Variants in ENAH observed in about 807,000 individuals in gnomAD.
The protein encoded by ENAH is protein enabled homolog.
In ENAH, 23 loss-of-function variants were observed where a neutral mutation model predicts 78.7. The ratio of observed to expected loss-of-function variants is 0.29; its 90% CI spans 0.21 to 0.41. The LOEUF is 0.41. Among genes scored for constraint, ENAH ranks in the 10% least tolerant of loss-of-function variants. The probability of loss-of-function intolerance (pLI) is 1.00; values close to 1 mark genes in which losing one functional copy is unlikely to be tolerated. For synonymous variants in ENAH, 226 were observed against 241.0 expected (o/e 0.94, Z 0.58); for missense variants, 544 against 691.0 (o/e 0.79, Z 2.39).
intron 2 of ENAH, among the ~76,000 whole-genome samples, chr1:225,560,607 T>C (rs947735261): frequency 6.6e-6 from 1 of 152,184 alleles, no homozygotes; most frequent in African/African-American, 2.4e-5. Flanking sequence ...TTATCCTGCC[T>C]CAGCCTCCCA....
intron 3 of ENAH, among the ~76,000 whole-genome samples, chr1:225,550,090 A>G (rs546318728): frequency 6.6e-6 from 1 of 152,208 alleles, no homozygotes; most frequent in East Asian, 1.9e-4. Context: ...CCCCCACCAC[A>G]TAAATTCTCA....
At chr1:225,521,502 G>A (rs531968120) in intron 4 of ENAH, among the ~76,000 whole-genome samples, 5 of 151,778 alleles carry the variant, frequency 3.3e-5, no homozygotes, top group Non-Finnish European at 5.9e-5. Flanking sequence ...TTAGCTGGGC[G>A]TGGTGGTGTG....
intron 3 of ENAH, among the ~76,000 whole-genome samples, chr1:225,545,313 G>C (rs909909409): frequency 2.0e-5 from 3 of 152,150 alleles, no homozygotes; most frequent in African/African-American, 7.2e-5. Flanking sequence ...CATTCTTAGT[G>C]AACAGCTGTC....
intron 1 of ENAH, among the ~76,000 whole-genome samples, chr1:225,621,296 C>CTTTTTTT (rs757480714): frequency 0.032 from 4,586 of 142,448 alleles, 107 homozygotes; most frequent in South Asian, 0.086. Context: ...ATCTATCTCT[C>CTTTTTTT]TTTTTTTTTT....
At chr1:225,562,487 G>C (rs1198655997) in intron 2 of ENAH, among the ~76,000 whole-genome samples, 1 of 142,604 alleles carries the variant, frequency 7.0e-6, no homozygotes, top group Non-Finnish European at 1.5e-5. Flanking sequence ...CAGGAGAATG[G>C]CATGAACCCG....
At chr1:225,578,850 A>T (rs2096800757) in intron 1 of ENAH, among the ~76,000 whole-genome samples, 1 of 152,214 alleles carries the variant, frequency 6.6e-6, no homozygotes, top group Non-Finnish European at 1.5e-5. Flanking sequence ...GTTATAAAGA[A>T]TCCAAATCTC....
At chr1:225,509,694 T>TA (rs5781410) in intron 10 of ENAH, among the ~76,000 whole-genome samples, 6,540 of 152,260 alleles carry the variant, frequency 0.043, 229 homozygotes, top group South Asian at 0.11. Flanking sequence ...ACTTGCAGGA[T>TA]AAAGTCTAAA....
chr1:225,497,777 A>G lies in ENAH; in HGVS notation c.1711T>C (p.Ter571GlnextTer31). 6.2e-7 allele frequency: 1 copy of G among 1,612,310 alleles called. No individual in the cohort carries two copies. Among genetic ancestry groups the G allele is most frequent in the Non-Finnish European group, 8.5e-7 (1 of 1,179,082 alleles). ...RQELSKSNTA[*>Q] ...CTATCTCTCCTTAGTCTGTTCCTCT[A>G]TGCAGTATTTGACTTGCTCAGTTCC... The change falls in exon 14 of 14, where the codon TAG becomes CAG. Residue 571 changes from the stop codon to glutamine (Q), a stop_lost. Coordinates refer to ENST00000366843, the MANE Select transcript of ENAH (RefSeq NM_018212.6).
intron 1 of ENAH, among the ~76,000 whole-genome samples, chr1:225,590,757 G>A (rs1021707247): frequency 2.0e-5 from 3 of 151,992 alleles, no homozygotes; most frequent in African/African-American, 7.2e-5. Context: ...CCTCCACTCT[G>A]TTCCACTGTG....
At chr1:225,604,610 C>T (rs1430600264) in intron 1 of ENAH, among the ~76,000 whole-genome samples, 2 of 148,888 alleles carry the variant, frequency 1.3e-5, no homozygotes, top group Admixed American at 1.3e-4. Context: ...ATGGTAAAAC[C>T]CCGTCTCTAC....
chr1:225,582,939 A>C (rs1379656802), intron 1 of ENAH, among the ~76,000 whole-genome samples: 4 of 152,230 alleles, frequency 2.6e-5, no homozygotes, highest in African/African-American at 9.6e-5. Context: ...AAGATACTTG[A>C]AATGGCTAGA....
chr1:225,626,567 A>C (rs955195501), intron 1 of ENAH, among the ~76,000 whole-genome samples: 4 of 152,256 alleles, frequency 2.6e-5, no homozygotes, highest in African/African-American at 9.6e-5. Context: ...GCAGCATTCA[A>C]CCAAACACTG....
At chr1:225,533,795 C>T (rs1382516928) in intron 3 of ENAH, among the ~76,000 whole-genome samples, 2 of 152,102 alleles carry the variant, frequency 1.3e-5, no homozygotes, top group African/African-American at 4.8e-5. Flanking sequence ...GCACATTCCA[C>T]TTACTGTCAC....
chr1:225,639,422 CA>C (rs1660621845), intron 1 of ENAH, among the ~76,000 whole-genome samples: 1 of 152,088 alleles, frequency 6.6e-6, no homozygotes, highest in Admixed American at 6.6e-5. Flanking sequence ...GTGATTCGGC[CA>C]TGGGCATTCC....
At chr1:225,524,468 C>T (rs949604386) in intron 4 of ENAH, 3 of 317,236 alleles carry the variant, frequency 9.5e-6, no homozygotes, top group Admixed American at 6.5e-5. Context: ...TAAAACTACA[C>T]AGATACAGTT....
At chr1:225,510,907 G>C (rs1404109463) in intron 10 of ENAH, among the ~76,000 whole-genome samples, 1 of 151,996 alleles carries the variant, frequency 6.6e-6, no homozygotes, top group Non-Finnish European at 1.5e-5. Context: ...CAGCTACTTA[G>C]GGGGCTGGGG....
intron 1 of ENAH, among the ~76,000 whole-genome samples, chr1:225,616,555 A>C (rs1397885932): frequency 1.3e-5 from 2 of 151,976 alleles, no homozygotes; most frequent in African/African-American, 4.8e-5. Flanking sequence ...ATTCACAAGT[A>C]CATGTTATAT....
At chr1:225,515,103 C>G (rs1001656424) in intron 6 of ENAH, 6 of 555,948 alleles carry the variant, frequency 1.1e-5, no homozygotes, top group Non-Finnish European at 1.9e-5. Context: ...TAACTACTTA[C>G]TTTAGGTTAG....
intron 1 of ENAH, among the ~76,000 whole-genome samples, chr1:225,593,406 G>GGGGT (rs2096887136): frequency 9.4e-6 from 1 of 106,414 alleles, no homozygotes; most frequent in African/African-American, 4.1e-5. Context: ...TGTGTGGGGG[G>GGGGT]GGGGGGGGGG....
Sources: gnomAD v4.1 joint callset for allele counts (sites outside exome capture counted in the v4.1 genomes callset) on GRCh38, gnomAD v4.1.1 for gene constraint, MANE v1.5 for transcripts, NCBI Gene and HGNC (gene_info 2026-07-23, HGNC 2026-07-21) for gene names.